Variants in EHMT1 observed in about 807,000 individuals in gnomAD.
The protein encoded by EHMT1 is euchromatic histone lysine methyltransferase 1.
Under a neutral mutation model 147.2 loss-of-function variants are expected in EHMT1, and 15 were observed. The observed-to-expected ratio is 0.10, with a 90% confidence interval of 0.07 to 0.16. The LOEUF (loss-of-function observed/expected upper bound fraction) is 0.16, where lower values mean the gene tolerates loss of function less well. Ranked by LOEUF, EHMT1 falls within the 10% of genes least tolerant of loss-of-function variation. EHMT1 has a pLI of 1.00. For missense variants in EHMT1, 1,587 were observed against 1,772.4 expected (o/e 0.90, Z 1.88); for synonymous variants, 795 against 709.6 (o/e 1.12, Z -1.91).
chr9:137,738,690 C>T (rs1328866243), intron 4 of EHMT1: 6 of 152,142 alleles, frequency 3.9e-5, no homozygotes, highest in Non-Finnish European at 5.9e-5. Flanking sequence ...GTGTGCAAAA[C>T]GCAGTGACGT....
intron 1 of EHMT1, among the ~76,000 whole-genome samples, chr9:137,665,718 A>C (rs1655151091): frequency 6.6e-6 from 1 of 152,000 alleles, no homozygotes; most frequent in Non-Finnish European, 1.5e-5. Context: ...CTGTGGAGGG[A>C]CCCTTCACGT....
At chr9:137,756,512 G>A (rs941754449) in intron 8 of EHMT1, among the ~76,000 whole-genome samples, 7 of 152,184 alleles carry the variant, frequency 4.6e-5, no homozygotes, top group African/African-American at 1.7e-4. Flanking sequence ...GACCTGGGGC[G>A]TGAGGCAGTC....
At chr9:137,654,986 G>A (rs1033761498) in intron 1 of EHMT1, among the ~76,000 whole-genome samples, 1 of 151,656 alleles carries the variant, frequency 6.6e-6, no homozygotes, top group African/African-American at 2.4e-5. Flanking sequence ...GTGGTTAACT[G>A]TTTTTTCCTT....
At chr9:137,796,735 CAGAAAA>C (rs1952986777) in intron 16 of EHMT1, among the ~76,000 whole-genome samples, 1 of 139,598 alleles carries the variant, frequency 7.2e-6, no homozygotes, top group African/African-American at 2.7e-5. Flanking sequence ...TGAAACCACA[CAGAAAA>C]ATAGGCAAAG....
chr9:137,622,069 C>G (rs1401637758), intron 1 of EHMT1, among the ~76,000 whole-genome samples: 1 of 150,534 alleles, frequency 6.6e-6, no homozygotes, highest in Non-Finnish European at 1.5e-5. Context: ...CACCCATTAA[C>G]TCGTCATTTA....
chr9:137,787,520 T>G lies in EHMT1; in HGVS notation c.2383-3328T>G. 4.7e-5 allele frequency: 16 copies of G among 337,126 alleles called. No individual in the cohort carries two copies. Among genetic ancestry groups the G allele is most frequent in the East Asian group, 6.6e-5 (1 of 15,120 alleles). The allele number at this position is 337,126 out of a possible 1,614,324, so 20.9% of individuals were successfully genotyped here. A position where few individuals can be genotyped will look rare whatever the true frequency, so the allele number is the denominator to read the frequency against. On this transcript the variant is annotated intron_variant, in intron 15 of 26. Transcript: ENST00000460843. This position sits in a 1 kb window ranked among gnomAD's most constrained non-coding sequence, Gnocchi z 4.2. Reference sequence around the variant, plus strand: ...AGCTCGGCCACGGCCACACGTGGGGTAGTTAGTAAACACCATGGACTCCCA... The same window carrying G: ...AGCTCGGCCACGGCCACACGTGGGGGAGTTAGTAAACACCATGGACTCCCA...
chr9:137,791,603 A>G (rs1230551266), intron 16 of EHMT1, among the ~76,000 whole-genome samples: 1 of 152,252 alleles, frequency 6.6e-6, no homozygotes, highest in African/African-American at 2.4e-5. Context: ...ACATTGCTGA[A>G]GGAAATTAAA....
chr9:137,778,130 G>A (rs1951100809), intron 13 of EHMT1, 75 bp downstream of exon 13: 3 of 1,574,566 alleles, frequency 1.9e-6, no homozygotes, highest in Middle Eastern at 1.7e-4. Flanking sequence ...TCCCCATGGT[G>A]TCACTTTAGC....
At chr9:137,628,834 C>T (rs1028521928) in intron 1 of EHMT1, among the ~76,000 whole-genome samples, 2 of 152,196 alleles carry the variant, frequency 1.3e-5, no homozygotes, top group Non-Finnish European at 2.9e-5. Context: ...GGGGCTAGAG[C>T]CCTGGTTTCC....
At chr9:137,717,293 C>G (rs372827513) in intron 3 of EHMT1, 111 bp downstream of exon 3, 73 of 1,384,042 alleles carry the variant, frequency 5.3e-5, no homozygotes, top group Middle Eastern at 2.4e-4. Context: ...AGTGGTTATC[C>G]GACAGGGCCT....
chr9:137,639,291 T>C (rs1334107515), intron 1 of EHMT1, among the ~76,000 whole-genome samples: 2 of 152,212 alleles, frequency 1.3e-5, no homozygotes, highest in African/African-American at 2.4e-5. Flanking sequence ...TTGAAAATAA[T>C]GTGCATTATG....
chr9:137,779,707 C>T lies in EHMT1; in HGVS notation c.2265C>T (p.Leu755=). Residue 755 remains leucine, a synonymous_variant, in exon 14 of 27, where the codon CTC becomes CTT. Coordinates refer to ENST00000460843, the MANE Select transcript of EHMT1 (RefSeq NM_024757.5). Reference sequence around the variant, plus strand: ...GGCAAGGGGAGCTTCAGAAGGTGCTCCTCATGCTGGGTAAGTGCCTTCCTG... The same window carrying T: ...GGCAAGGGGAGCTTCAGAAGGTGCTTCTCATGCTGGGTAAGTGCCTTCCTG... ...SARQGELQKV[L]LMLVDGIDPN... is the part of the protein sequence containing the mutation. The T allele has an allele frequency of 6.2e-7, 1 of 1,613,652 alleles. No individual in the cohort carries two copies. The highest frequency in any genetic ancestry group is 8.5e-7 in the Non-Finnish European group (1 of 1,180,036).
chr9:137,780,150 GCTGAGATGTGTGGTGATGACGGCATCA>G lies in EHMT1; in HGVS notation c.2275+455_2275+481del, dbSNP rs1362049664. ...TGACGCTGAGATGTGTGGTGATGAC[GCTGAGATGTGTGGTGATGACGGCATCA>G]CTGAGATGTGTGGTGATGACGCTGA... On this transcript the variant is annotated intron_variant, in intron 14 of 26. Coordinates refer to ENST00000460843, the MANE Select transcript of EHMT1 (RefSeq NM_024757.5). Among the ~76,000 whole-genome samples the G allele has an allele frequency of 2.2e-4, 31 of 144,156 alleles. No homozygotes were observed. In the East Asian group the frequency reaches 2.2e-3, roughly 10 times the overall value. 94.6% of individuals were successfully genotyped at this position (144,156 alleles called of 152,430 possible).
chr9:137,728,723 A>G, intron 4 of EHMT1, 194 bp downstream of exon 4: 1 of 671,042 alleles, frequency 1.5e-6, no homozygotes, highest in South Asian at 1.8e-5. Flanking sequence ...GCCTTGTCTC[A>G]TGCCAGCATT....
chr9:137,718,092 GCGCCCGCCCC>G (rs1945533232), intron 3 of EHMT1, among the ~76,000 whole-genome samples: 1 of 138,114 alleles, frequency 7.2e-6, no homozygotes, highest in African/African-American at 3.5e-5. Context: ...CACACAGGGC[GCGCCCGCCCC>G]TCACGCACCG....
intron 1 of EHMT1, 128 bp downstream of exon 1, chr9:137,619,177 C>CCGG: frequency 6.6e-6 from 1 of 150,646 alleles, no homozygotes; most frequent in Non-Finnish European, 1.4e-5. Context: ...GGTCCCCCCG[C>CCGG]CGCCGCCGCC....
At chr9:137,701,186 G>A (rs1349590112) in intron 1 of EHMT1, among the ~76,000 whole-genome samples, 3 of 152,092 alleles carry the variant, frequency 2.0e-5, no homozygotes, top group African/African-American at 7.2e-5. Flanking sequence ...GAGGATTACA[G>A]TTAAACATGA....
chr9:137,793,099 A>G (rs1201974035), intron 16 of EHMT1, among the ~76,000 whole-genome samples: 2 of 152,222 alleles, frequency 1.3e-5, no homozygotes, highest in Admixed American at 6.5e-5. Context: ...TAAAATGGGG[A>G]AAAATAAGTA....
rs577917156 is a variant in EHMT1 at position 137,804,680 on chromosome 9, A to AT, written c.2712+3700dup. ...TGAGAACCCAAAGATATTCTCCCAC[A>AT]TTTTCTTATACGAGTTTTATGGTTT... On this transcript the variant is annotated intron_variant, in intron 18 of 26. Coordinates refer to ENST00000460843, the MANE Select transcript of EHMT1 (RefSeq NM_024757.5). Among the ~76,000 whole-genome samples, 34 of 151,628 alleles carry AT rather than the reference A, an allele frequency of 2.2e-4. No homozygotes were observed. In the East Asian group the frequency reaches 5.8e-3, roughly 26 times the overall value.
Sources: gnomAD v4.1 joint callset for allele counts (sites outside exome capture counted in the v4.1 genomes callset) on GRCh38, gnomAD v4.1.1 for gene constraint, Gnocchi (gnomAD v3.1) non-coding constraint, MANE v1.5 for transcripts, NCBI Gene and HGNC (gene_info 2026-07-23, HGNC 2026-07-21) for gene names.